RCC2: variants seen among roughly 807,000 people sequenced by gnomAD.
The protein encoded by RCC2 is protein RCC2.
Under a neutral mutation model 64.1 loss-of-function variants are expected in RCC2, and 19 were observed. That is an observed-to-expected ratio of 0.30 (90% CI 0.21 to 0.44). The LOEUF (loss-of-function observed/expected upper bound fraction) is 0.44, where lower values mean the gene tolerates loss of function less well. Ranked by LOEUF, RCC2 falls within the 20% of genes least tolerant of loss-of-function variation. The probability of loss-of-function intolerance (pLI) is 1.00; values close to 1 mark genes in which losing one functional copy is unlikely to be tolerated. For missense variants in RCC2, 508 were observed against 710.4 expected, an observed-to-expected ratio of 0.72 and a Z score of 3.24; for synonymous variants, 325 against 279.6, an observed-to-expected ratio of 1.16 and a Z score of -1.62.
intron 6 of RCC2, 111 bp downstream of exon 6, chr1:17,422,092 C>A (rs1480297454): frequency 2.8e-6 from 2 of 709,596 alleles, no homozygotes; most frequent in Admixed American, 5.2e-5. Flanking sequence ...ACATCCAGAC[C>A]CTGTTTTTAC....
intron 2 of RCC2, 68 bp from the exon 3 acceptor site, chr1:17,429,267 A>G: frequency 1.6e-6 from 2 of 1,235,160 alleles, no homozygotes; most frequent in Admixed American, 1.7e-5. Context: ...AAGGCTGTCC[A>G]ATGACAGCAC....
intron 7 of RCC2, among the ~76,000 whole-genome samples, chr1:17,420,381 C>G (rs1202465205): frequency 6.6e-6 from 1 of 152,152 alleles, no homozygotes; most frequent in Non-Finnish European, 1.5e-5. Context: ...TCAATAAAGG[C>G]ATAATCTTTA....
rs1424270929 is a variant in RCC2, at chr1:17,422,715, C to G, written c.645G>C (p.Leu215Phe). The change falls in exon 5 of 13, where the codon TTG becomes TTC. Residue 215 changes from leucine to phenylalanine, a missense_variant. Transcript: ENST00000375436. ...CAGCCACCTCCTTACCCGTCAAGGC[C>G]AAGGTGTGGTTCCGCCCACATGCTG... Reference protein sequence around the residue: ...VSAACGRNHTLALTETGSVFA... With the variant: ...VSAACGRNHTFALTETGSVFA... The G allele has an allele frequency of 6.2e-7, 1 of 1,613,970 alleles. No homozygotes were observed. Among genetic ancestry groups the G allele is most frequent in the East Asian group, 2.2e-5 (1 of 44,890 alleles).
intron 7 of RCC2, 102 bp downstream of exon 7, chr1:17,420,612 A>C (rs1194177147): frequency 1.5e-6 from 1 of 661,726 alleles, no homozygotes; most frequent in Non-Finnish European, 2.5e-6. Context: ...ATCTGAGATC[A>C]ATTACCCACA....
Position 17,416,697 on chromosome 1 carries a change from G to GTT in RCC2, c.860-52_860-51insAA, listed in dbSNP as rs778125841. The GTT allele has an allele frequency of 1.9e-6, 3 of 1,561,816 alleles. No individual in the cohort carries two copies. The African/African-American group carries it at 4.0e-5, about 21-fold the overall frequency. ...CAGCAGCAGCACAAGCACAAGGGACGTGTCAGTGTGCTCACACGGACTCTG... is the reference window on the plus strand; with the variant it reads ...CAGCAGCAGCACAAGCACAAGGGACGTTTGTCAGTGTGCTCACACGGACTCTG... On this transcript the variant is annotated intron_variant, in intron 7 of 12. Coordinates refer to ENST00000375436, the MANE Select transcript of RCC2 (RefSeq NM_018715.4).
At chr1:17,436,323 G>A (rs1469293890) in intron 2 of RCC2, among the ~76,000 whole-genome samples, 1 of 152,164 alleles carries the variant, frequency 6.6e-6, no homozygotes, top group African/African-American at 2.4e-5. Flanking sequence ...GGCCAACATG[G>A]TAAAACCCAG....
chr1:17,419,886 C>T (rs998040552), intron 7 of RCC2, among the ~76,000 whole-genome samples: 1 of 152,242 alleles, frequency 6.6e-6, no homozygotes, highest in Non-Finnish European at 1.5e-5. Context: ...AGGGGCTGTT[C>T]TCTCTTATTC....
chr1:17,436,896 G>A (rs2075740818), intron 2 of RCC2, among the ~76,000 whole-genome samples: 1 of 152,208 alleles, frequency 6.6e-6, no homozygotes, highest in Non-Finnish European at 1.5e-5. Context: ...CAGTTCCTGT[G>A]TTCCAGTTTC....
chr1:17,436,397 G>A (rs542124262), intron 2 of RCC2, among the ~76,000 whole-genome samples: 8 of 152,220 alleles, frequency 5.3e-5, no homozygotes, highest in South Asian at 4.1e-4. Context: ...CCAGCTGCTC[G>A]AGAGGCTGAT....
At chr1:17,419,881 C>A (rs1042020423) in intron 7 of RCC2, among the ~76,000 whole-genome samples, 1 of 152,258 alleles carries the variant, frequency 6.6e-6, no homozygotes, top group Non-Finnish European at 1.5e-5. Context: ...GCGTAAGGGG[C>A]TGTTCTCTCT....
At chr1:17,436,864 C>T (rs2075740344) in intron 2 of RCC2, among the ~76,000 whole-genome samples, 1 of 152,210 alleles carries the variant, frequency 6.6e-6, no homozygotes, top group Non-Finnish European at 1.5e-5. Flanking sequence ...TCTGGCACAG[C>T]AGACTAGACG....
At chr1:17,431,026 C>T (rs2075669867) in intron 2 of RCC2, among the ~76,000 whole-genome samples, 1 of 151,452 alleles carries the variant, frequency 6.6e-6, no homozygotes, top group Non-Finnish European at 1.5e-5. Context: ...AAGTTCCCAA[C>T]CATGCCAATA....
intron 7 of RCC2, among the ~76,000 whole-genome samples, chr1:17,417,949 T>C (rs2075507122): frequency 6.6e-6 from 1 of 152,188 alleles, no homozygotes; most frequent in African/African-American, 2.4e-5. Flanking sequence ...ACAGTAGAAC[T>C]ACTTACATAA....
chr1:17,410,132 GGC>G, intron 11 of RCC2, 81 bp from the exon 12 acceptor site: 1 of 1,275,216 alleles, frequency 7.8e-7, no homozygotes, highest in Admixed American at 1.8e-5. Flanking sequence ...AACATTTCCT[GGC>G]CCCCACTAAC....
intron 3 of RCC2, among the ~76,000 whole-genome samples, chr1:17,427,328 G>A (rs571340119): frequency 2.0e-4 from 31 of 152,258 alleles, no homozygotes; most frequent in African/African-American, 4.8e-4. Flanking sequence ...GGCCGCAGGC[G>A]GGCAGGGGCC....
intron 3 of RCC2, among the ~76,000 whole-genome samples, chr1:17,426,377 A>C (rs6702471): frequency 0.65 from 99,136 of 151,806 alleles, 32,530 homozygotes; most frequent in African/African-American, 0.71. Context: ...CTCCCCTGAC[A>C]CCCACCCATA....
rs2075367752 is a variant in RCC2, at chr1:17,407,008, C to G, written c.*2082G>C. 6.6e-6 allele frequency: 1 copy of G among 152,168 alleles called. No homozygotes were observed. The highest frequency in any genetic ancestry group is 1.5e-5 in the Non-Finnish European group (1 of 68,042). 9.4% of individuals were successfully genotyped at this position (152,168 alleles called of 1,614,324 possible). On this transcript the variant is annotated 3_prime_UTR_variant, in exon 13 of 13. Coordinates refer to ENST00000375436, the MANE Select transcript of RCC2 (RefSeq NM_018715.4). Reference sequence around the variant, plus strand: ...AACTGTGTACCTTTCTCTAGGAGTGCACGACACCCTTCCCCCACAACTCCT... The same window carrying G: ...AACTGTGTACCTTTCTCTAGGAGTGGACGACACCCTTCCCCCACAACTCCT...
intron 7 of RCC2, 144 bp downstream of exon 7, chr1:17,420,566 CTGAA>C: frequency 8.2e-6 from 4 of 490,706 alleles, no homozygotes; most frequent in South Asian, 4.5e-5. Context: ...CGCTGTTCTG[CTGAA>C]CGTGAGATCC....
chr1:17,438,200 G>A (rs2075761724), intron 2 of RCC2, 30 bp downstream of exon 2: 1 of 1,196,778 alleles, frequency 8.4e-7, no homozygotes, highest in Non-Finnish European at 1.0e-6. Context: ...CCGGCCCTGC[G>A]CCCACCCGTC....
Sources: allele counts gnomAD v4.1 joint callset (sites outside exome capture counted in the v4.1 genomes callset), GRCh38; gene constraint gnomAD v4.1.1; transcripts MANE v1.5; gene names NCBI Gene and HGNC (gene_info 2026-07-23, HGNC 2026-07-21).